SELENOM: variants seen among roughly 807,000 people sequenced by gnomAD.
SELENOM encodes the protein selenoprotein M, also known as selenoprotein SelM.
A neutral mutation model predicts 14.5 loss-of-function variants in SELENOM; 17 were observed. That is an observed-to-expected ratio of 1.17 (90% confidence interval 0.80 to 1.76). SELENOM has a LOEUF of 1.76. Among genes scored for constraint, SELENOM ranks in the 40% most tolerant of loss-of-function variants. The pLI is 0.00. For synonymous variants in SELENOM, 102 were observed against 93.3 expected, an observed-to-expected ratio of 1.09 and a Z score of -0.54; for missense variants, 230 against 204.6, an observed-to-expected ratio of 1.12 and a Z score of -0.76.
chr22:31,104,959 C>A lies in SELENOM; in HGVS notation c.*11G>T. On this transcript the variant is annotated 3_prime_UTR_variant, in exon 5 of 5. Coordinates refer to ENST00000400299, the MANE Select transcript of SELENOM (RefSeq NM_080430.4). ...AGGCAGGTAGGTCCCAGCTCCGCCG[C>A]GCCCCCGGACCTACAGGTCAGCGTG... The A allele has an allele frequency of 6.5e-7, 1 of 1,549,338 alleles. No homozygotes were observed. Among genetic ancestry groups the A allele is most frequent in the Non-Finnish European group, 8.7e-7 (1 of 1,151,596 alleles).
Position 31,105,144 on chromosome 22 carries a change from G to A in SELENOM, c.280-16C>T, listed in dbSNP as rs1480940188. The A allele has an allele frequency of 3.7e-6, 6 of 1,613,324 alleles. No homozygotes were observed. In the Admixed American group the frequency reaches 5.0e-5, roughly 13 times the overall value. On this transcript the variant is annotated splice_polypyrimidine_tract_variant and intron_variant, in intron 4 of 4. Transcript: ENST00000400299. ...GTGGGATGCGCTGAGGCGGAGGAGG[G>A]GCGGGGTCAGCAGGCTGGGCCTCGC...
In SELENOM at chr22:31,105,545, T is replaced by C. The variant is rs1210092964; in HGVS notation, c.200+113A>G. 5 of 1,136,222 alleles carry C rather than the reference T, an allele frequency of 4.4e-6. No homozygotes were observed. In the African/African-American group the frequency reaches 7.6e-5, roughly 17 times the overall value. 70.4% of individuals were successfully genotyped at this position (1,136,222 alleles called of 1,614,324 possible). Reference sequence around the variant, plus strand: ...CACCTCAGAATCCTCTGGGAGCCACTACCAATCAATTCAACTTGTCAGTTG... The same window carrying C: ...CACCTCAGAATCCTCTGGGAGCCACCACCAATCAATTCAACTTGTCAGTTG... On this transcript the variant is annotated intron_variant, in intron 3 of 4. Transcript: ENST00000400299.
In SELENOM at chr22:31,104,868, G is replaced by C; in HGVS notation, c.*102C>G. On this transcript the variant is annotated 3_prime_UTR_variant, in exon 5 of 5. Coordinates refer to ENST00000400299, the MANE Select transcript of SELENOM (RefSeq NM_080430.4). ...CCCCATCCCTGCTGGCCCGGGGACGGGCATCGGCTCTCAGCAAGAGAAGTA... is the reference window on the plus strand; with the variant it reads ...CCCCATCCCTGCTGGCCCGGGGACGCGCATCGGCTCTCAGCAAGAGAAGTA... 7.6e-7 allele frequency: 1 copy of C among 1,320,830 alleles called. No homozygotes were observed. The highest frequency in any genetic ancestry group is 1.0e-6 in the Non-Finnish European group (1 of 988,204). 81.8% of individuals were successfully genotyped at this position (1,320,830 alleles called of 1,614,324 possible). A position where few individuals can be genotyped will look rare whatever the true frequency, so the allele number is the denominator to read the frequency against.
Position 31,107,528 on chromosome 22 carries a change from C to G in SELENOM, c.-23G>C, listed in dbSNP as rs1489894339. On this transcript the variant is annotated 5_prime_UTR_variant, in exon 1 of 5. Coordinates refer to ENST00000400299, the MANE Select transcript of SELENOM (RefSeq NM_080430.4). ...CATCGGGACCCGGCCGCAGATGATGCGCAAGCTGGAGGCGAACCTCCGAGT... is the reference window on the plus strand; with the variant it reads ...CATCGGGACCCGGCCGCAGATGATGGGCAAGCTGGAGGCGAACCTCCGAGT... 24 of 1,523,134 alleles carry G rather than the reference C, an allele frequency of 1.6e-5. No individual in the cohort carries two copies. Among genetic ancestry groups the G allele is most frequent in the Non-Finnish European group, 1.9e-5 (22 of 1,136,294 alleles). 94.4% of individuals were successfully genotyped at this position (1,523,134 alleles called of 1,614,324 possible). A position where few individuals can be genotyped will look rare whatever the true frequency, so the allele number is the denominator to read the frequency against.
intron 3 of SELENOM, 182 bp downstream of exon 3, chr22:31,105,476 C>G (rs1225145435): frequency 2.5e-6 from 2 of 810,706 alleles, no homozygotes; most frequent in Non-Finnish European, 4.1e-6. Flanking sequence ...CATTCTGTGG[C>G]AGTCATCACT....
At chr22:31,107,069 A>T (rs1162738006) in intron 1 of SELENOM, 1 of 291,580 alleles carries the variant, frequency 3.4e-6, no homozygotes, top group East Asian at 6.4e-5. Flanking sequence ...TTGGGACAGG[A>T]TTGGGAGTCA....
chr22:31,106,171 C>A, intron 1 of SELENOM: 1 of 606,780 alleles, frequency 1.6e-6, no homozygotes, highest in Non-Finnish European at 3.0e-6. Context: ...GGCCTAGAGA[C>A]ACCAGGGGAA....
Position 31,107,527 on chromosome 22 carries a change from G to A in SELENOM, c.-22C>T, listed in dbSNP as rs1267289834. The A allele has an allele frequency of 8.5e-6, 13 of 1,524,814 alleles. No individual in the cohort carries two copies. Among genetic ancestry groups the A allele is most frequent in the Non-Finnish European group, 1.1e-5 (12 of 1,137,044 alleles). The allele number at this position is 1,524,814 out of a possible 1,614,324, so 94.5% of individuals were successfully genotyped here. On this transcript the variant is annotated 5_prime_UTR_variant, in exon 1 of 5. Coordinates refer to ENST00000400299, the MANE Select transcript of SELENOM (RefSeq NM_080430.4). ...TCATCGGGACCCGGCCGCAGATGAT[G>A]CGCAAGCTGGAGGCGAACCTCCGAG...
Position 31,104,790 on chromosome 22 carries a change from G to T in SELENOM, c.*180C>A. 1 of 636,998 alleles carries T rather than the reference G, an allele frequency of 1.6e-6. No individual in the cohort carries two copies. The highest frequency in any genetic ancestry group is 2.6e-6 in the Non-Finnish European group (1 of 380,218). 39.5% of individuals were successfully genotyped at this position (636,998 alleles called of 1,614,324 possible). ...GTCGAGCCTCAGTTAAGGCAGGAGG[G>T]AATTTAGTGGAGCTGGGGAAGGAAG... On this transcript the variant is annotated 3_prime_UTR_variant, in exon 5 of 5. Transcript: ENST00000400299.
rs200537716 is a variant in SELENOM at position 31,105,220 on chromosome 22, G to C, written c.267C>G (p.Tyr89Ter). ...DPELVLLGRR[Y>*]EELERIPLSE... The stretch of plus-strand genomic sequence containing the variant: ...CCCACGGCCTCACCTCTAGTTCCTC[G>C]TAGCGGCGGCCCAGCAGCACGAGCT... The change falls in exon 4 of 5, where the codon TAC becomes TAG. Residue 89 changes from tyrosine to a stop codon, truncating the protein, a stop_gained. Transcript: ENST00000400299. LOFTEE classifies it high-confidence loss of function. 316 of 1,613,312 alleles carry C rather than the reference G, an allele frequency of 2.0e-4. No homozygotes were observed. Among genetic ancestry groups the C allele is most frequent in the Non-Finnish European group, 2.6e-4 (308 of 1,179,712 alleles).
chr22:31,105,548 C>A, intron 3 of SELENOM, 110 bp downstream of exon 3: 1 of 1,153,724 alleles, frequency 8.7e-7, no homozygotes. Context: ...GAGCCACTAC[C>A]AATCAATTCA....
At position 31,105,299 on chromosome 22, in the gene SELENOM, T is replaced by G. The variant is rs201059438; in HGVS notation, c.201-13A>C. On this transcript the variant is annotated splice_polypyrimidine_tract_variant and intron_variant, in intron 3 of 4. Coordinates refer to ENST00000400299, the MANE Select transcript of SELENOM (RefSeq NM_080430.4). ...CACCAGGTTGTGACTGGAGGTGGTG[T>G]TAAGGAGCGGGGTGGTGGGCAGAGG... The G allele has an allele frequency of 1.6e-5, 26 of 1,605,770 alleles. No individual in the cohort carries two copies. The African/African-American group carries it at 2.4e-4, about 15-fold the overall frequency.
At chr22:31,105,449 T>G (rs1277010215) in intron 3 of SELENOM, 163 bp from the exon 4 acceptor site, 1 of 819,952 alleles carries the variant, frequency 1.2e-6, no homozygotes, top group African/African-American at 1.7e-5. Context: ...TTCAAAGAAG[T>G]AAAGGGCCCT....
Position 31,104,822 on chromosome 22 carries a change from G to A in SELENOM, c.*148C>T. The A allele has an allele frequency of 1.3e-6, 1 of 799,248 alleles. No individual in the cohort carries two copies. The highest frequency in any genetic ancestry group is 1.9e-6 in the Non-Finnish European group (1 of 533,156). 49.5% of individuals were successfully genotyped at this position (799,248 alleles called of 1,614,324 possible). ...GTGGAGCTGGGGAAGGAAGAAAGTG[G>A]GGTTGGGAGAACCTCCCCAACCCCA... On this transcript the variant is annotated 3_prime_UTR_variant, in exon 5 of 5. Transcript: ENST00000400299.
Position 31,105,940 on chromosome 22 carries a change from C to A in SELENOM, c.155G>T (p.Arg52Leu). Residue 52 changes from arginine (R) to leucine (L), a missense_variant, in exon 2 of 5, where the codon CGC (arginine) becomes CTC (leucine). Coordinates refer to ENST00000400299, the MANE Select transcript of SELENOM (RefSeq NM_080430.4). Reference protein sequence around the residue: ...VETCGGUQLNRLKEVKAFVTQ... With the variant: ...VETCGGUQLNLLKEVKAFVTQ... ...TTCCTTCAAACTCACCTCCTTTAGG[C>A]GGTTCAGCTGTCATCCCCCGCAGGT... 1.9e-6 allele frequency: 3 copies of A among 1,614,040 alleles called. No individual in the cohort carries two copies. The highest frequency in any genetic ancestry group is 2.5e-6 in the Non-Finnish European group (3 of 1,179,918).
chr22:31,105,009 C>T lies in SELENOM; in HGVS notation c.399G>A (p.Ala133=). 1.9e-6 allele frequency: 3 copies of T among 1,603,666 alleles called. No individual in the cohort carries two copies. Among genetic ancestry groups the T allele is most frequent in the East Asian group, 2.2e-5 (1 of 44,808 alleles). Residue 133 remains alanine (A), a synonymous_variant, in exon 5 of 5, where the codon GCG becomes GCA. Transcript: ENST00000400299. ...QVPPEYVWAP[A]KPPEETSDHA... The stretch of plus-strand genomic sequence containing the variant: ...GGTCCGAAGTTTCCTCTGGGGGCTT[C>T]GCGGGCGCCCACACGTACTCGGGGG...
intron 1 of SELENOM, chr22:31,106,321 G>C (rs187712531): frequency 9.2e-6 from 3 of 324,494 alleles, no homozygotes; most frequent in Admixed American, 4.4e-5. Context: ...CTTGGCCTTT[G>C]ATCCCTGAAA....
rs185670461 is a variant in SELENOM at position 31,105,005 on chromosome 22, G to C, written c.403C>G (p.Pro135Ala). 211 of 1,602,494 alleles carry C rather than the reference G, an allele frequency of 1.3e-4. No individual in the cohort carries two copies. Among genetic ancestry groups the C allele is most frequent in the Non-Finnish European group, 1.7e-4 (196 of 1,176,480 alleles). ...PPEYVWAPAK[P>A]PEETSDHADL is the part of the protein sequence containing the mutation. ...GCGTGGTCCGAAGTTTCCTCTGGGG[G>C]CTTCGCGGGCGCCCACACGTACTCG... Residue 135 changes from proline (P) to alanine (A), a missense_variant, in exon 5 of 5, where the codon CCC (proline) becomes GCC (alanine). Transcript: ENST00000400299.
At chr22:31,106,121 G>A (rs1424634869) in intron 1 of SELENOM, 156 bp from the exon 2 acceptor site, 15 of 689,704 alleles carry the variant, frequency 2.2e-5, no homozygotes, top group African/African-American at 1.8e-5. Flanking sequence ...GGACCCTTGT[G>A]GGCAGAAGGG....
Sources: gnomAD v4.1 joint callset for allele counts on GRCh38, gnomAD v4.1.1 for gene constraint, MANE v1.5 for transcripts, NCBI Gene and HGNC (gene_info 2026-07-23, HGNC 2026-07-21) for gene names.